Variants in OPRPN observed in about 807,000 individuals in gnomAD.
The protein encoded by OPRPN is opiorphin prepropeptide.
A neutral mutation model predicts 2.2 loss-of-function variants in OPRPN; 1 was observed. The ratio of observed to expected loss-of-function variants is 0.45; its 90% confidence interval spans 0.16 to 2.15. The LOEUF (loss-of-function observed/expected upper bound fraction) is 2.15, where lower values mean the gene tolerates loss of function less well. OPRPN is among the 30% of genes most tolerant of loss of function. OPRPN has a pLI of 0.28. For synonymous variants in OPRPN, 126 were observed against 111.5 expected (o/e 1.13, Z -0.82); for missense variants, 306 against 297.3 (o/e 1.03, Z -0.21).
Position 70,399,284 on chromosome 4 carries a change from G to T in OPRPN, c.-2G>T. 6.2e-7 allele frequency: 1 copy of T among 1,601,498 alleles called. No individual in the cohort carries two copies. Among genetic ancestry groups the T allele is most frequent in the South Asian group, 1.1e-5 (1 of 90,158 alleles). On this transcript the variant is annotated 5_prime_UTR_variant, in exon 2 of 3. Coordinates refer to ENST00000399575, the MANE Select transcript of OPRPN (RefSeq NM_021225.5). Reference sequence around the variant, plus strand: ...GCCTGTTTGTAGGAGCAACTTTAAAGAATGAAATTAACTTTCTTCTTGGGC... The same window carrying T: ...GCCTGTTTGTAGGAGCAACTTTAAATAATGAAATTAACTTTCTTCTTGGGC...
chr4:70,407,139 G>A (rs1577884589), intron 2 of OPRPN, among the ~76,000 whole-genome samples: 4 of 152,186 alleles, frequency 2.6e-5, no homozygotes, highest in African/African-American at 7.2e-5. Flanking sequence ...CCTCTGTCTG[G>A]CTCCTCTCAT....
In OPRPN at chr4:70,399,348, C is replaced by A. The variant is rs779633479; in HGVS notation, c.51+12C>A. On this transcript the variant is annotated intron_variant, in intron 2 of 2. Transcript: ENST00000399575. ...TTTCATGTTTCACAGTAAGTTCCCT[C>A]AATTCTAAATTTACTTGTTATATTT... 2 of 1,569,404 alleles carry A rather than the reference C, an allele frequency of 1.3e-6. No individual in the cohort carries two copies. Among genetic ancestry groups the A allele is most frequent in the Non-Finnish European group, 8.8e-7 (1 of 1,142,722 alleles).
In OPRPN at chr4:70,410,126, A is replaced by C; in HGVS notation, c.*51A>C. 7.2e-7 allele frequency: 1 copy of C among 1,387,170 alleles called. No homozygotes were observed. The highest frequency in any genetic ancestry group is 9.7e-7 in the Non-Finnish European group (1 of 1,026,042). 85.9% of individuals were successfully genotyped at this position (1,387,170 alleles called of 1,614,324 possible). A position where few individuals can be genotyped will look rare whatever the true frequency, so the allele number is the denominator to read the frequency against. The stretch of plus-strand genomic sequence containing the variant: ...ACTGCTCTGATATCTTAGAAGAAAT[A>C]AACTGCAATGATTTTGATGGAACCA... On this transcript the variant is annotated 3_prime_UTR_variant, in exon 3 of 3. Transcript: ENST00000399575.
chr4:70,399,179 A>G lies in OPRPN; in HGVS notation c.-15-92A>G, dbSNP rs200006758. 85 of 778,908 alleles carry G rather than the reference A, an allele frequency of 1.1e-4. No individual in the cohort carries two copies. The East Asian group carries it at 2.2e-3, about 20-fold the overall frequency. The allele number at this position is 778,908 out of a possible 1,614,324, so 48.2% of individuals were successfully genotyped here. A position where few individuals can be genotyped will look rare whatever the true frequency, so the allele number is the denominator to read the frequency against. ...TGTTGGTCTTTCTTCATCATTTTAC[A>G]TAACAAGTGTTAAAATGTTTTAAAA... On this transcript the variant is annotated intron_variant, in intron 1 of 2. Transcript: ENST00000399575.
At chr4:70,401,893 C>T (rs1414570516) in intron 2 of OPRPN, among the ~76,000 whole-genome samples, 1 of 152,038 alleles carries the variant, frequency 6.6e-6, no homozygotes, top group Non-Finnish European at 1.5e-5. Flanking sequence ...CACAATCTGT[C>T]CACTAAACTG....
intron 2 of OPRPN, among the ~76,000 whole-genome samples, chr4:70,400,412 T>G (rs148002150): frequency 1.3e-5 from 2 of 152,002 alleles, no homozygotes; most frequent in African/African-American, 4.8e-5. Flanking sequence ...TATAGTGCTA[T>G]GTAATAACAT....
chr4:70,400,208 G>A (rs1732945836), intron 2 of OPRPN, among the ~76,000 whole-genome samples: 1 of 151,834 alleles, frequency 6.6e-6, no homozygotes, highest in Admixed American at 6.6e-5. Context: ...GGTTGATACA[G>A]AAATACCAAA....
intron 2 of OPRPN, among the ~76,000 whole-genome samples, chr4:70,405,862 G>A (rs1012616399): frequency 1.6e-4 from 25 of 151,814 alleles, no homozygotes; most frequent in African/African-American, 4.4e-4. Flanking sequence ...TCAGGAGTTC[G>A]AGACTAGCCT....
chr4:70,408,272 T>A (rs1380849992), intron 2 of OPRPN, among the ~76,000 whole-genome samples: 1 of 152,170 alleles, frequency 6.6e-6, no homozygotes. Context: ...AAAGCTTTGT[T>A]TCAGGCAAAC....
chr4:70,399,834 A>G (rs1480134033), intron 2 of OPRPN, among the ~76,000 whole-genome samples: 1 of 151,942 alleles, frequency 6.6e-6, no homozygotes, highest in East Asian at 1.9e-4. Context: ...AGCCTTTCTG[A>G]TGCCTGAAAA....
chr4:70,398,239 T>C (rs889228323), intron 1 of OPRPN, among the ~76,000 whole-genome samples, 199 bp downstream of exon 1: 2 of 151,936 alleles, frequency 1.3e-5, no homozygotes, highest in African/African-American at 4.8e-5. Context: ...AGAACATTCA[T>C]ATTGATTAGT....
intron 2 of OPRPN, among the ~76,000 whole-genome samples, chr4:70,400,708 A>T (rs1732959146): frequency 6.6e-6 from 1 of 152,040 alleles, no homozygotes; most frequent in Admixed American, 6.6e-5. Context: ...CTTTCAAGGT[A>T]AATTCAACTT....
chr4:70,406,359 C>A (rs1156652748), intron 2 of OPRPN, among the ~76,000 whole-genome samples: 1 of 151,968 alleles, frequency 6.6e-6, no homozygotes, highest in East Asian at 1.9e-4. Flanking sequence ...TAGCACATGG[C>A]CTAAAAGTGG....
At position 70,410,018 on chromosome 4, in the gene OPRPN, A is replaced by C. The variant is rs1560535205; in HGVS notation, c.690A>C (p.Ile230=). The change falls in exon 3 of 3, where the codon ATA becomes ATC. Residue 230 remains isoleucine, a synonymous_variant. Transcript: ENST00000399575. ...TVQVTTSNQT[I]LSSPAFKSFW... Reference sequence around the variant, plus strand: ...AAGTTACGACTTCCAACCAAACTATATTAAGCAGCCCAGCCTTTAAAAGTT... The same window carrying C: ...AAGTTACGACTTCCAACCAAACTATCTTAAGCAGCCCAGCCTTTAAAAGTT... The C allele has an allele frequency of 1.2e-6, 2 of 1,604,378 alleles. No individual in the cohort carries two copies. The highest frequency in any genetic ancestry group is 1.7e-6 in the Non-Finnish European group (2 of 1,176,192).
intron 1 of OPRPN, 70 bp from the exon 2 acceptor site, chr4:70,399,201 A>G: frequency 8.9e-7 from 1 of 1,123,110 alleles, no homozygotes; most frequent in Non-Finnish European, 1.3e-6. Context: ...AAAATGTTTT[A>G]AAAAATTTTT....
At chr4:70,403,188 T>A (rs1367502793) in intron 2 of OPRPN, among the ~76,000 whole-genome samples, 1 of 152,174 alleles carries the variant, frequency 6.6e-6, no homozygotes, top group African/African-American at 2.4e-5. Context: ...TCAAGGGGTA[T>A]ATGACTGTCA....
chr4:70,409,675 C>A lies in OPRPN; in HGVS notation c.347C>A (p.Pro116His), dbSNP rs570022371. 6.2e-7 allele frequency: 1 copy of A among 1,613,878 alleles called. No individual in the cohort carries two copies. Among genetic ancestry groups the A allele is most frequent in the Non-Finnish European group, 8.5e-7 (1 of 1,179,858 alleles). ...CCACTAAGACCTTACTATGTAGGAC[C>A]TATTAGGATATTAAAACCCCCATTT... ...HFPLRPYYVG[P>H]IRILKPPFPP... Residue 116 changes from proline (P) to histidine (H), a missense_variant, in exon 3 of 3, where the codon CCT (proline) becomes CAT (histidine). Transcript: ENST00000399575.
At chr4:70,400,428 T>TA (rs1000163988) in intron 2 of OPRPN, among the ~76,000 whole-genome samples, 7 of 151,926 alleles carry the variant, frequency 4.6e-5, no homozygotes, top group Non-Finnish European at 8.8e-5. Context: ...AACATTTGTA[T>TA]AAAAAAATTA....
chr4:70,400,257 C>A (rs1404208429), intron 2 of OPRPN, among the ~76,000 whole-genome samples: 2 of 151,840 alleles, frequency 1.3e-5, no homozygotes, highest in African/African-American at 4.8e-5. Flanking sequence ...ATTAGGTCTT[C>A]TTTTCATAAT....
Sources: gnomAD v4.1 joint callset for allele counts (sites outside exome capture counted in the v4.1 genomes callset) on GRCh38, gnomAD v4.1.1 for gene constraint, MANE v1.5 for transcripts, NCBI Gene and HGNC (gene_info 2026-07-23, HGNC 2026-07-21) for gene names.